The following SLC16A2 variants were observed in gnomAD, a reference collection of about 807,000 sequenced individuals.
SLC16A2 encodes the protein monocarboxylate transporter 8.
Under a neutral mutation model 27.2 loss-of-function variants are expected in SLC16A2, and 3 were observed. That is an observed-to-expected ratio of 0.11 (90% CI 0.05 to 0.28). The LOEUF is 0.28. SLC16A2 is among the 10% of genes least tolerant of loss of function. The probability of loss-of-function intolerance (pLI) is 1.00; values close to 1 mark genes in which losing one functional copy is unlikely to be tolerated. For missense variants in SLC16A2, 295 were observed against 458.5 expected (o/e 0.64, Z 3.26); for synonymous variants, 202 against 187.8 (o/e 1.08, Z -0.62).
intron 1 of SLC16A2, among the ~76,000 whole-genome samples, chrX:74,485,793 C>T (rs182730590): frequency 4.2e-4 from 47 of 111,305 alleles, no homozygotes; most frequent in South Asian, 3.1e-3. Flanking sequence ...CTAGCCTGAT[C>T]GGGAGCAGCA....
intron 1 of SLC16A2, among the ~76,000 whole-genome samples, chrX:74,442,535 A>G (rs1161321365): frequency 2.7e-5 from 3 of 112,159 alleles, no homozygotes; most frequent in Non-Finnish European, 3.8e-5. Flanking sequence ...GTGATAAACC[A>G]GTTCAGGTTC....
intron 3 of SLC16A2, 80 bp downstream of exon 3, chrX:74,524,889 G>T (rs1930467079): frequency 1.1e-6 from 1 of 899,911 alleles, no homozygotes; most frequent in African/African-American, 1.9e-5. Flanking sequence ...GAGGGTGGGG[G>T]TGGGAGACAT....
chrX:74,495,746 C>G (rs1335352154), intron 1 of SLC16A2, among the ~76,000 whole-genome samples: 5 of 111,228 alleles, frequency 4.5e-5, no homozygotes, highest in Admixed American at 3.8e-4. Flanking sequence ...TCTTAATTAC[C>G]TTTACTGTCA....
intron 1 of SLC16A2, among the ~76,000 whole-genome samples, chrX:74,461,857 T>C (rs781494623): frequency 1.2e-4 from 13 of 111,491 alleles, no homozygotes; most frequent in Non-Finnish European, 2.4e-4. Context: ...TAGGAGGAAT[T>C]CAGGCTTAAT....
intron 1 of SLC16A2, among the ~76,000 whole-genome samples, chrX:74,501,354 A>G (rs1208753872): frequency 1.8e-5 from 2 of 111,240 alleles, no homozygotes; most frequent in Non-Finnish European, 3.8e-5. Context: ...TTGTGCCCCA[A>G]TGGACATGCT....
chrX:74,496,253 C>T (rs1303928957), intron 1 of SLC16A2, among the ~76,000 whole-genome samples: 80 of 62,293 alleles, frequency 1.3e-3, no homozygotes, highest in Admixed American at 3.0e-3. Context: ...AGACAGAAAA[C>T]ACACACACAC....
chrX:74,511,338 T>C (rs1206221086), intron 1 of SLC16A2, among the ~76,000 whole-genome samples: 9 of 110,572 alleles, frequency 8.1e-5, no homozygotes, highest in Admixed American at 7.7e-4. Flanking sequence ...CCCGCCACCG[T>C]GCCCGGCTAA....
In SLC16A2 at chrX:74,495,474, G is replaced by C. The variant is rs181337443; in HGVS notation, c.431-25516G>C. 8.3e-4 allele frequency among the ~76,000 whole-genome samples: 90 copies of C among 109,081 alleles called. 1 individual carries two copies. The highest frequency in any genetic ancestry group is 2.5e-3 in the African/African-American group (76 of 30,399). 94.7% of individuals were successfully genotyped at this position (109,081 alleles called of 115,157 possible). The stretch of plus-strand genomic sequence containing the variant: ...GATACTCGAGAAAATCAGCCAGGCT[G>C]TCCTGTGGTTGAAGGAGGCCTCTCA... On this transcript the variant is annotated intron_variant, in intron 1 of 5. Transcript: ENST00000587091.
chrX:74,505,356 C>A (rs1930106040), intron 1 of SLC16A2, among the ~76,000 whole-genome samples: 1 of 112,133 alleles, frequency 8.9e-6, no homozygotes, highest in Admixed American at 9.5e-5. Context: ...TTCCCCATCT[C>A]TCTCAGAAAA....
intron 1 of SLC16A2, among the ~76,000 whole-genome samples, chrX:74,481,331 G>A (rs1025401619): frequency 1.8e-5 from 2 of 111,809 alleles, no homozygotes; most frequent in African/African-American, 6.5e-5. Flanking sequence ...AGACATTTGA[G>A]TTGGGGGTAT....
intron 1 of SLC16A2, among the ~76,000 whole-genome samples, chrX:74,506,361 A>G (rs1369580718): frequency 8.9e-6 from 1 of 111,888 alleles, no homozygotes; most frequent in Non-Finnish European, 1.9e-5. Flanking sequence ...AACAACAGAA[A>G]GATCATTGAT....
chrX:74,468,625 G>GT (rs56803759), intron 1 of SLC16A2, among the ~76,000 whole-genome samples: 19,083 of 110,618 alleles, frequency 0.17, 1,276 homozygotes, highest in South Asian at 0.4. Context: ...ATTTGTCTTG[G>GT]TTATATACCT....
chrX:74,509,688 C>A (rs1055700110), intron 1 of SLC16A2, among the ~76,000 whole-genome samples: 1 of 110,944 alleles, frequency 9.0e-6, no homozygotes, highest in Non-Finnish European at 1.9e-5. Flanking sequence ...CTCAGCCTCC[C>A]GAGTAGCTGG....
intron 1 of SLC16A2, among the ~76,000 whole-genome samples, chrX:74,445,586 A>C (rs1217474782): frequency 1.9e-5 from 2 of 104,590 alleles, no homozygotes; most frequent in Admixed American, 2.0e-4. Context: ...CCTTGATTAT[A>C]AACCACTATA....
rs766510152 is a variant in SLC16A2 at position 74,525,730 on chromosome X, C to A, written c.1027-20C>A. ...TCTTTCTCCTCCTGTTTCTGGGGAT[C>A]CTTGTGCTATGCTTTTCAGATGAAG... On this transcript the variant is annotated intron_variant, in intron 3 of 5. Coordinates refer to ENST00000587091, the MANE Select transcript of SLC16A2 (RefSeq NM_006517.5). 1 of 1,211,032 alleles carries A rather than the reference C, an allele frequency of 8.3e-7. No individual in the cohort carries two copies. The highest frequency in any genetic ancestry group is 3.0e-5 in the East Asian group (1 of 33,838).
chrX:74,504,473 C>T (rs1490036797), intron 1 of SLC16A2, among the ~76,000 whole-genome samples: 1 of 111,944 alleles, frequency 8.9e-6, no homozygotes, highest in African/African-American at 3.2e-5. Context: ...TTGCATTTGC[C>T]CTACTGAGGG....
intron 1 of SLC16A2, among the ~76,000 whole-genome samples, chrX:74,461,700 A>T (rs1358888592): frequency 8.9e-6 from 1 of 111,927 alleles, no homozygotes; most frequent in Non-Finnish European, 1.9e-5. Context: ...TAAACAGCAG[A>T]TACAGATGTA....
rs761595345 is a variant in SLC16A2, at chrX:74,444,333, T to C, written c.430+22266T>C. Among the ~76,000 whole-genome samples the C allele has an allele frequency of 9.0e-5, 10 of 110,570 alleles. 1 individual carries two copies. The highest frequency in any genetic ancestry group is 2.9e-4 in the Admixed American group (3 of 10,344). On this transcript the variant is annotated intron_variant, in intron 1 of 5. Transcript: ENST00000587091. Reference sequence around the variant, plus strand: ...GTTATTTGTTACAGGGGAAGGAGCATGCCACAAGGAATCCGAAAGCTTGGG... The same window carrying C: ...GTTATTTGTTACAGGGGAAGGAGCACGCCACAAGGAATCCGAAAGCTTGGG...
intron 2 of SLC16A2, among the ~76,000 whole-genome samples, chrX:74,523,125 T>C (rs1233818967): frequency 8.9e-6 from 1 of 112,322 alleles, no homozygotes; most frequent in African/African-American, 3.2e-5. Flanking sequence ...GCCGATCCCA[T>C]AGGGTACCTA....
Sources: allele counts gnomAD v4.1 joint callset (sites outside exome capture counted in the v4.1 genomes callset), GRCh38; gene constraint gnomAD v4.1.1; transcripts MANE v1.5; gene names NCBI Gene and HGNC (gene_info 2026-07-23, HGNC 2026-07-21).